Variants in SAG observed in about 807,000 individuals in gnomAD.
SAG encodes the protein S-arrestin.
A neutral mutation model predicts 55.0 loss-of-function variants in SAG; 45 were observed. That is an observed-to-expected ratio of 0.82 (90% CI 0.64 to 1.05). SAG has a LOEUF of 1.05. Among genes scored for constraint, SAG ranks in the 50% least tolerant of loss-of-function variants. SAG has a pLI of 0.00. For synonymous variants in SAG, 189 were observed against 197.4 expected (o/e 0.96, Z 0.36); for missense variants, 455 against 512.1 (o/e 0.89, Z 1.08).
At chr2:233,315,252 C>T (rs932647817) in intron 2 of SAG, among the ~76,000 whole-genome samples, 10 of 145,000 alleles carry the variant, frequency 6.9e-5, no homozygotes, top group Admixed American at 6.1e-4. Context: ...TTCTCCAGAA[C>T]TCACACCTCT....
chr2:233,346,699 T>C lies in SAG; in HGVS notation c.1113-108T>C, dbSNP rs1275909889. 5.9e-6 allele frequency: 5 copies of C among 840,376 alleles called. No individual in the cohort carries two copies. The African/African-American group carries it at 8.4e-5, about 14-fold the overall frequency. The allele number at this position is 840,376 out of a possible 1,614,324, so 52.1% of individuals were successfully genotyped here. ...AATGGCGTGCCCCCATGTTCTATCA[T>C]GGGGAAAACCTTGATCAGTTCCTTC... On this transcript the variant is annotated intron_variant, in intron 15 of 15. Transcript: ENST00000409110.
At chr2:233,312,175 A>G (rs1217524650) in intron 2 of SAG, among the ~76,000 whole-genome samples, 1 of 152,150 alleles carries the variant, frequency 6.6e-6, no homozygotes, top group African/African-American at 2.4e-5. Context: ...AAGAACAACC[A>G]CCAACTACCC....
chr2:233,343,081 G>GTTTTTTTTTTTTTTTTTTTTTT (rs34180640), intron 14 of SAG: 1 of 104,342 alleles, frequency 9.6e-6, no homozygotes, highest in African/African-American at 3.8e-5. Context: ...TTTTTTTGGG[G>GTTTTTTTTTTTTTTTTTTTTTT]TTTTTTTTTT....
chr2:233,329,576 C>A lies in SAG; in HGVS notation c.732C>A (p.Phe244Leu), dbSNP rs377600235. Reference protein sequence around the residue: ...TEKTVKKIKAFVEQVANVVLY... With the variant: ...TEKTVKKIKALVEQVANVVLY... The stretch of plus-strand genomic sequence containing the variant: ...AGACCGTGAAGAAGATTAAAGCATT[C>A]GGTAGGACCTTCTTCTCAGAAGTAG... The change falls in exon 9 of 16, where the codon TTC becomes TTA. Residue 244 changes from phenylalanine to leucine, a missense_variant and splice_region_variant. Transcript: ENST00000409110. 1.0e-5 allele frequency: 16 copies of A among 1,599,554 alleles called. No individual in the cohort carries two copies. In the African/African-American group the frequency reaches 2.0e-4, roughly 20 times the overall value.
chr2:233,321,272 GT>G (rs1700372182), intron 5 of SAG, among the ~76,000 whole-genome samples: 1 of 152,194 alleles, frequency 6.6e-6, no homozygotes, highest in Non-Finnish European at 1.5e-5. Context: ...GGGCCCGTCT[GT>G]CATCCATTGA....
intron 14 of SAG, chr2:233,343,444 G>A: frequency 4.7e-6 from 1 of 213,888 alleles, no homozygotes; most frequent in Non-Finnish European, 9.7e-6. Flanking sequence ...CTAGAAAAGA[G>A]GGTCAGGCTG....
intron 14 of SAG, chr2:233,345,312 C>T (rs557881815): frequency 6.6e-6 from 1 of 152,212 alleles, no homozygotes; most frequent in Non-Finnish European, 1.5e-5. Flanking sequence ...ACACTCTAAC[C>T]CTGGGGTGCT....
chr2:233,314,257 C>G (rs549122973), intron 2 of SAG, among the ~76,000 whole-genome samples: 1 of 151,840 alleles, frequency 6.6e-6, no homozygotes, highest in African/African-American at 2.4e-5. Context: ...GAGCTCCATG[C>G]GCCACACGGC....
intron 15 of SAG, 108 bp downstream of exon 15, chr2:233,346,520 C>G: frequency 8.0e-7 from 1 of 1,246,044 alleles, no homozygotes; most frequent in Non-Finnish European, 1.2e-6. Context: ...GCTCTCCTGC[C>G]GGCTCAGGAG....
At chr2:233,332,358 G>A (rs528189304) in intron 10 of SAG, 2 of 153,280 alleles carry the variant, frequency 1.3e-5, no homozygotes, top group East Asian at 3.9e-4. Flanking sequence ...AGGATAGCTC[G>A]ACCAGGTCTT....
chr2:233,323,659 G>A (rs1364689837), intron 6 of SAG, among the ~76,000 whole-genome samples: 1 of 152,116 alleles, frequency 6.6e-6, no homozygotes, highest in Non-Finnish European at 1.5e-5. Context: ...CACCGCGCTC[G>A]GCCCATTAGA....
At chr2:233,330,535 TCCTTCCTC>T (rs1700725861) in intron 9 of SAG, among the ~76,000 whole-genome samples, 1 of 134,648 alleles carries the variant, frequency 7.4e-6, no homozygotes, top group African/African-American at 2.8e-5. Context: ...CTTCCTTCCT[TCCTTCCTC>T]CCTTTCTTTC....
At chr2:233,346,692 T>G (rs779500509) in intron 15 of SAG, 115 bp from the exon 16 acceptor site, 2 of 815,094 alleles carry the variant, frequency 2.5e-6, no homozygotes, top group Non-Finnish European at 4.1e-6. Flanking sequence ...GCCCCCATGT[T>G]CTATCATGGG....
chr2:233,330,386 A>T (rs1349433446), intron 9 of SAG, among the ~76,000 whole-genome samples: 1 of 152,154 alleles, frequency 6.6e-6, no homozygotes, highest in Non-Finnish European at 1.5e-5. Flanking sequence ...CCTAGGTGTC[A>T]TATACCACTT....
At chr2:233,346,633 T>G (rs1013152983) in intron 15 of SAG, among the ~76,000 whole-genome samples, 174 bp from the exon 16 acceptor site, 1 of 152,206 alleles carries the variant, frequency 6.6e-6, no homozygotes, top group African/African-American at 2.4e-5. Context: ...TTTTCTCCCA[T>G]TGGTGCTAGT....
intron 11 of SAG, among the ~76,000 whole-genome samples, chr2:233,335,706 CG>C (rs1265983276): frequency 6.6e-6 from 1 of 152,218 alleles, no homozygotes; most frequent in Non-Finnish European, 1.5e-5. Context: ...ACTCAAAGGA[CG>C]ACTGGCTGAA....
chr2:233,325,960 G>A (rs1363988896), intron 6 of SAG, among the ~76,000 whole-genome samples: 4 of 152,222 alleles, frequency 2.6e-5, no homozygotes, highest in Admixed American at 2.0e-4. Flanking sequence ...GGACTGCTAT[G>A]ATTCCCTGGT....
At chr2:233,311,431 GT>G (rs1489991628) in intron 2 of SAG, among the ~76,000 whole-genome samples, 2 of 152,150 alleles carry the variant, frequency 1.3e-5, no homozygotes, top group African/African-American at 4.8e-5. Context: ...TGGGTCACAT[GT>G]CCACTGTAAA....
chr2:233,331,535 C>T (rs1025746960), intron 9 of SAG, 105 bp from the exon 10 acceptor site: 2 of 763,478 alleles, frequency 2.6e-6, no homozygotes, highest in Non-Finnish European at 4.7e-6. Flanking sequence ...GGAGGGAAAC[C>T]ATCATCAGAG....
Sources: allele counts gnomAD v4.1 joint callset (sites outside exome capture counted in the v4.1 genomes callset), GRCh38; gene constraint gnomAD v4.1.1; transcripts MANE v1.5; gene names NCBI Gene and HGNC (gene_info 2026-07-23, HGNC 2026-07-21).